Variants in SYT14 observed in about 807,000 individuals in gnomAD.
SYT14 encodes the protein synaptotagmin-14.
SYT14 carries 32 observed loss-of-function variants against 74.2 expected under a neutral mutation model. The observed-to-expected ratio is 0.43, with a 90% CI of 0.33 to 0.58. The LOEUF (loss-of-function observed/expected upper bound fraction) is 0.58, where lower values mean the gene tolerates loss of function less well. Ranked by LOEUF, SYT14 falls within the 20% of genes least tolerant of loss-of-function variation. The probability of loss-of-function intolerance (pLI) is 0.05; values close to 1 mark genes in which losing one functional copy is unlikely to be tolerated. For missense variants in SYT14, 791 were observed against 981.8 expected, an observed-to-expected ratio of 0.81 and a Z score of 2.60; for synonymous variants, 298 against 337.7, an observed-to-expected ratio of 0.88 and a Z score of 1.29.
At chr1:210,167,659 ACTG>A (rs2083469944) in exon 10 of SYT14, 1 of 152,194 alleles carries the variant, frequency 6.6e-6, no homozygotes, top group Admixed American at 6.5e-5. Context: ...CTGTTTTGTG[ACTG>A]CTGATGTATC....
chr1:210,001,664 A>G (rs1286687991), intron 2 of SYT14, among the ~76,000 whole-genome samples: 2 of 152,212 alleles, frequency 1.3e-5, no homozygotes, highest in African/African-American at 4.8e-5. Flanking sequence ...AGCCAGGGAA[A>G]AGGTGAGGTA....
chr1:210,141,346 G>T (rs1238941038), intron 7 of SYT14, among the ~76,000 whole-genome samples: 1 of 152,150 alleles, frequency 6.6e-6, no homozygotes, highest in Non-Finnish European at 1.5e-5. Flanking sequence ...TTCATTGCTA[G>T]TGTAAAGAGA....
chr1:210,043,223 A>G (rs921863150), intron 5 of SYT14, among the ~76,000 whole-genome samples: 1 of 152,206 alleles, frequency 6.6e-6, no homozygotes, highest in African/African-American at 2.4e-5. Context: ...ATCCAATACA[A>G]AGCATGAAGC....
intron 5 of SYT14, among the ~76,000 whole-genome samples, chr1:210,090,489 A>G (rs992472961): frequency 5.3e-5 from 8 of 152,114 alleles, no homozygotes; most frequent in Admixed American, 2.0e-4. Flanking sequence ...CACACATGCT[A>G]TTTTTTCTAT....
chr1:210,109,951 G>A (rs1425060765), intron 7 of SYT14, among the ~76,000 whole-genome samples: 1 of 152,174 alleles, frequency 6.6e-6, no homozygotes, highest in Admixed American at 6.5e-5. Context: ...AAAAGGATGA[G>A]TTCATGTCCT....
chr1:209,942,590 A>G (rs539569829), intron 1 of SYT14, among the ~76,000 whole-genome samples: 10 of 151,970 alleles, frequency 6.6e-5, no homozygotes, highest in Non-Finnish European at 1.3e-4. Flanking sequence ...TTAATTTCCT[A>G]AGTAGTCTCA....
At chr1:209,938,850 T>G (rs1334422657) in intron 1 of SYT14, among the ~76,000 whole-genome samples, 1 of 151,940 alleles carries the variant, frequency 6.6e-6, no homozygotes, top group Non-Finnish European at 1.5e-5. Context: ...TCCAGGAAAT[T>G]TGGGGTTAGG....
At chr1:210,162,147 T>A (rs2083385871) in exon 10 of SYT14, 1 of 439,302 alleles carries the variant, frequency 2.3e-6, no homozygotes, top group African/African-American at 2.0e-5. Flanking sequence ...TAAAAACAGT[T>A]ATGAGATTCC....
At chr1:209,954,709 T>C (rs78147086) in intron 2 of SYT14, among the ~76,000 whole-genome samples, 1 of 140,874 alleles carries the variant, frequency 7.1e-6, no homozygotes, top group African/African-American at 2.7e-5. Flanking sequence ...TCTTTCTCTC[T>C]TTTTTTTTTT....
At chr1:210,161,038 C>T in exon 10 of SYT14, 2 of 1,613,496 alleles carry the variant, frequency 1.2e-6, no homozygotes, top group Non-Finnish European at 1.7e-6. Context: ...TTGCTAGAGT[C>T]ATGATGAATA....
chr1:209,940,496 A>G (rs183421307), intron 1 of SYT14, among the ~76,000 whole-genome samples: 5 of 152,322 alleles, frequency 3.3e-5, no homozygotes, highest in East Asian at 3.9e-4. Flanking sequence ...GATAATTTTA[A>G]ACATGCAATT....
intron 7 of SYT14, among the ~76,000 whole-genome samples, chr1:210,102,387 A>C (rs987762950): frequency 1.3e-5 from 2 of 152,118 alleles, no homozygotes; most frequent in Non-Finnish European, 2.9e-5. Flanking sequence ...CCCTGTATTT[A>C]ATTGTTCTTT....
At chr1:210,100,311 T>C in exon 7 of SYT14, 1 of 1,614,146 alleles carries the variant, frequency 6.2e-7, no homozygotes, top group Non-Finnish European at 8.5e-7. Context: ...CTGAGATGAT[T>C]GGAAATTATG....
intron 5 of SYT14, among the ~76,000 whole-genome samples, chr1:210,052,778 A>C (rs2081026945): frequency 6.6e-6 from 1 of 151,886 alleles, no homozygotes; most frequent in East Asian, 1.9e-4. Flanking sequence ...TTAGGAGTCC[A>C]TTTAATAAGT....
At chr1:210,071,035 C>T (rs1383313887) in intron 5 of SYT14, among the ~76,000 whole-genome samples, 1 of 148,660 alleles carries the variant, frequency 6.7e-6, no homozygotes, top group Non-Finnish European at 1.5e-5. Context: ...AATATTTTTC[C>T]TTCAACTGAT....
At chr1:210,055,343 G>C (rs918082278) in intron 5 of SYT14, among the ~76,000 whole-genome samples, 1 of 152,102 alleles carries the variant, frequency 6.6e-6, no homozygotes, top group African/African-American at 2.4e-5. Context: ...TAACATATTT[G>C]TATTTATGAA....
At chr1:209,984,644 C>G (rs1175164697) in intron 2 of SYT14, among the ~76,000 whole-genome samples, 1 of 152,148 alleles carries the variant, frequency 6.6e-6, no homozygotes, top group Non-Finnish European at 1.5e-5. Context: ...GTGATGTTGT[C>G]TTTCAACATG....
chr1:210,037,429 T>G (rs1356218368), intron 5 of SYT14, among the ~76,000 whole-genome samples: 1 of 152,000 alleles, frequency 6.6e-6, no homozygotes, highest in Non-Finnish European at 1.5e-5. Flanking sequence ...TTTATTTAGT[T>G]CTGCTCTGAT....
At chr1:209,971,727 A>G (rs1280522353) in intron 2 of SYT14, among the ~76,000 whole-genome samples, 1 of 152,180 alleles carries the variant, frequency 6.6e-6, no homozygotes. Flanking sequence ...GCATCCCAGG[A>G]ATGAAGGCTA....
Sources: gnomAD v4.1 joint callset for allele counts (sites outside exome capture counted in the v4.1 genomes callset) on GRCh38, gnomAD v4.1.1 for gene constraint, MANE v1.5 for transcripts, NCBI Gene and HGNC (gene_info 2026-07-23, HGNC 2026-07-21) for gene names.